The following EIF4ENIF1 variants were observed in gnomAD, a reference collection of about 807,000 sequenced individuals.
EIF4ENIF1 encodes eukaryotic translation initiation factor 4E transporter.
A neutral mutation model predicts 110.5 loss-of-function variants in EIF4ENIF1; 23 were observed. The observed-to-expected ratio is 0.21, with a 90% CI of 0.15 to 0.29. The LOEUF (loss-of-function observed/expected upper bound fraction) is 0.29. Ranked by LOEUF, EIF4ENIF1 falls within the 10% of genes least tolerant of loss-of-function variation. The pLI, the probability that EIF4ENIF1 is intolerant of heterozygous loss-of-function variation, is 1.00. For synonymous variants in EIF4ENIF1, 440 were observed against 437.0 expected (o/e 1.01, Z -0.09); for missense variants, 1,031 against 1,221.1 (o/e 0.84, Z 2.32).
At position 31,476,212 on chromosome 22, in the gene EIF4ENIF1, TTCAA is replaced by T. The variant is rs573404916; in HGVS notation, c.97-4299_97-4296del. On this transcript the variant is annotated intron_variant, in intron 2 of 18. Coordinates refer to ENST00000330125, the MANE Select transcript of EIF4ENIF1 (RefSeq NM_019843.4). ...AGATACTAAGAACCCTAATGTGCTA[TTCAA>T]TCAAAGACAATCTTTCACGCTTAAA... Among the ~76,000 whole-genome samples the T allele has an allele frequency of 6.6e-5, 10 of 152,330 alleles. No homozygotes were observed. The South Asian group carries it at 2.1e-3, about 32-fold the overall frequency.
intron 10 of EIF4ENIF1, among the ~76,000 whole-genome samples, chr22:31,453,033 C>G (rs907352758): frequency 2.1e-5 from 3 of 140,952 alleles, no homozygotes; most frequent in Non-Finnish European, 4.8e-5. Context: ...AAGCAGGGAA[C>G]AGGAAAAAAA....
At chr22:31,438,807 C>G (rs1275999484), downstream of EIF4ENIF1, among the ~76,000 whole-genome samples, 1 of 152,064 alleles carries the variant, frequency 6.6e-6, no homozygotes, top group Non-Finnish European at 1.5e-5. Flanking sequence ...ACTGCAACCT[C>G]TGCCTCCCAG....
intron 15 of EIF4ENIF1, 161 bp downstream of exon 15, chr22:31,444,445 C>T: frequency 4.4e-6 from 3 of 686,104 alleles, no homozygotes; most frequent in Middle Eastern, 6.5e-4. Context: ...TAGACTGTGT[C>T]CTAAAAGGGA....
At chr22:31,467,607 G>A (rs532618159) in intron 4 of EIF4ENIF1, among the ~76,000 whole-genome samples, 1 of 152,010 alleles carries the variant, frequency 6.6e-6, no homozygotes, top group African/African-American at 2.4e-5. Flanking sequence ...GGTGGATCAC[G>A]AGGTTAGCAG....
At chr22:31,463,426 C>T (rs1349089765) in intron 5 of EIF4ENIF1, among the ~76,000 whole-genome samples, 2 of 152,078 alleles carry the variant, frequency 1.3e-5, no homozygotes, top group African/African-American at 4.8e-5. Flanking sequence ...CGCCTGTAAT[C>T]CCAGCACTTT....
At chr22:31,446,159 C>G (rs2050467582) in intron 14 of EIF4ENIF1, among the ~76,000 whole-genome samples, 1 of 151,646 alleles carries the variant, frequency 6.6e-6, no homozygotes, top group Admixed American at 6.6e-5. Flanking sequence ...GTGGCACACT[C>G]CTGTAATCCT....
intron 6 of EIF4ENIF1, among the ~76,000 whole-genome samples, chr22:31,460,771 C>G (rs1346695042): frequency 1.3e-5 from 2 of 151,724 alleles, no homozygotes; most frequent in African/African-American, 4.8e-5. Flanking sequence ...ATAGTGAAAC[C>G]CCATCTCTAC....
intron 4 of EIF4ENIF1, among the ~76,000 whole-genome samples, chr22:31,467,336 G>A (rs984165464): frequency 2.6e-5 from 4 of 152,006 alleles, no homozygotes; most frequent in Admixed American, 6.6e-5. Context: ...ATGATGAGTC[G>A]TCCTCTCATC....
intron 7 of EIF4ENIF1, among the ~76,000 whole-genome samples, chr22:31,458,101 A>G (rs2050883115): frequency 6.6e-6 from 1 of 151,904 alleles, no homozygotes; most frequent in East Asian, 1.9e-4. Context: ...GGTGGCACAC[A>G]CCTGTGATCC....
At position 31,463,703 on chromosome 22, in the gene EIF4ENIF1, T is replaced by A. The variant is rs2051075891; in HGVS notation, c.563A>T (p.Asp188Val). The A allele has an allele frequency of 2.5e-6, 4 of 1,601,766 alleles. No individual in the cohort carries two copies. The highest frequency in any genetic ancestry group is 3.4e-6 in the Non-Finnish European group (4 of 1,173,584). ...AACCCTGAAACGCTTGTCCTTGAAGTCCCTCTCTCGGTCTCTGTCTCTCAA... is the reference window on the plus strand; with the variant it reads ...AACCCTGAAACGCTTGTCCTTGAAGACCCTCTCTCGGTCTCTGTCTCTCAA... ...RDLRDRDRER[D>V]FKDKRFRREF... Residue 188 changes from aspartate (D) to valine (V), a missense_variant, in exon 5 of 19, where the codon GAC becomes GTC. Asp to Val is a radical substitution (Grantham distance 152). Coordinates refer to ENST00000330125, the MANE Select transcript of EIF4ENIF1 (RefSeq NM_019843.4).
chr22:31,447,412 G>A lies in EIF4ENIF1; in HGVS notation c.1988+14C>T. The stretch of plus-strand genomic sequence containing the variant: ...TATCCGTAAATCTCCACATGAGCAG[G>A]ATTAGTAATTTACCTGTTTCTGAAT... On this transcript the variant is annotated intron_variant, in intron 14 of 18. Transcript: ENST00000330125. 6.2e-7 allele frequency: 1 copy of A among 1,608,486 alleles called. No homozygotes were observed. The highest frequency in any genetic ancestry group is 8.5e-7 in the Non-Finnish European group (1 of 1,178,912).
rs938804684 is a variant in EIF4ENIF1, at chr22:31,463,829, C to G, written c.437G>C (p.Gly146Ala). ...CCTACGTCCACCAAGCAGACGAAGC[C>G]CATCACTATCTTTCTCTAATGGACT... ...SGSPLEKDSD[G>A]LRLLGGRRIG... The change falls in exon 5 of 19, where the codon GGG becomes GCG. Residue 146 changes from glycine to alanine, a missense_variant. Gly to Ala is a moderately conservative substitution (Grantham distance 60). Coordinates refer to ENST00000330125, the MANE Select transcript of EIF4ENIF1 (RefSeq NM_019843.4). 4.3e-6 allele frequency: 7 copies of G among 1,613,982 alleles called. No homozygotes were observed. Among genetic ancestry groups the G allele is most frequent in the Non-Finnish European group, 5.9e-6 (7 of 1,180,018 alleles).
At chr22:31,440,945 G>A (rs753592063) in intron 17 of EIF4ENIF1, 77 bp from the exon 18 acceptor site, 2 of 1,563,296 alleles carry the variant, frequency 1.3e-6, no homozygotes, top group Non-Finnish European at 1.7e-6. Flanking sequence ...GTACAGTTTT[G>A]CTGATCTGGA....
intron 14 of EIF4ENIF1, among the ~76,000 whole-genome samples, chr22:31,445,957 C>T (rs555140135): frequency 6.8e-6 from 1 of 146,366 alleles, no homozygotes; most frequent in Non-Finnish European, 1.5e-5. Context: ...CGTACCGCCC[C>T]CCCCCCCCAT....
At position 31,449,833 on chromosome 22, in the gene EIF4ENIF1, C is replaced by T. The variant is rs56230525; in HGVS notation, c.1585-302G>A. ...ACAACCTCTGCCTACCGGGTTCAAG[C>T]GATTCTCACGCCTCAGCCTCCTAAG... On this transcript the variant is annotated intron_variant, in intron 11 of 18. Coordinates refer to ENST00000330125, the MANE Select transcript of EIF4ENIF1 (RefSeq NM_019843.4). Among the ~76,000 whole-genome samples, 1,192 of 151,538 alleles carry T rather than the reference C, an allele frequency of 7.9e-3. 15 individuals carry two copies. Among genetic ancestry groups the T allele is most frequent in the Middle Eastern group, 0.014 (4 of 292 alleles).
At chr22:31,450,502 C>T (rs1455650569) in intron 10 of EIF4ENIF1, 142 bp from the exon 11 acceptor site, 8 of 587,092 alleles carry the variant, frequency 1.4e-5, no homozygotes, top group African/African-American at 9.4e-5. Flanking sequence ...CTTAGACCAA[C>T]GTGTTCCGCT....
At chr22:31,441,748 A>G in intron 17 of EIF4ENIF1, 26 bp downstream of exon 17, 1 of 1,581,238 alleles carries the variant, frequency 6.3e-7, no homozygotes, top group Non-Finnish European at 8.6e-7. Context: ...CAAACTGACG[A>G]CACCCAAGTC....
Position 31,483,209 on chromosome 22 carries a change from C to CTTTT in EIF4ENIF1, c.96+5410_96+5413dup, listed in dbSNP as rs60986284. Reference sequence around the variant, plus strand: ...ATGAGCACCACTGCCAGGAGACGATCTTTTTTTTTTTTTTTTTTTTTTGAG... The same window carrying CTTTT: ...ATGAGCACCACTGCCAGGAGACGATCTTTTTTTTTTTTTTTTTTTTTTTTTTGAG... On this transcript the variant is annotated intron_variant, in intron 2 of 18. Transcript: ENST00000330125. Among the ~76,000 whole-genome samples, 144 of 89,460 alleles carry CTTTT rather than the reference C, an allele frequency of 1.6e-3. 1 individual carries two copies. Among genetic ancestry groups the CTTTT allele is most frequent in the African/African-American group, 5.6e-3 (137 of 24,592 alleles). The allele number at this position is 89,460 out of a possible 152,430, so 58.7% of individuals were successfully genotyped here.
At chr22:31,447,140 A>T in intron 14 of EIF4ENIF1, 1 of 406,656 alleles carries the variant, frequency 2.5e-6, no homozygotes, top group South Asian at 2.3e-5. Flanking sequence ...GGCGAGCAGC[A>T]TCCCTTCCAT....
Sources: allele counts gnomAD v4.1 joint callset (sites outside exome capture counted in the v4.1 genomes callset), GRCh38; gene constraint gnomAD v4.1.1; transcripts MANE v1.5; gene names NCBI Gene and HGNC (gene_info 2026-07-23, HGNC 2026-07-21).